PRRX2: variants seen among roughly 807,000 people sequenced by gnomAD.
PRRX2 encodes paired related homeobox 2.
A neutral mutation model predicts 18.0 loss-of-function variants in PRRX2; 11 were observed. That is an observed-to-expected ratio of 0.61 (90% CI 0.39 to 1.01). PRRX2 has a LOEUF of 1.01. Ranked by LOEUF, PRRX2 falls within the 50% of genes least tolerant of loss-of-function variation. The pLI is 0.01. For synonymous variants in PRRX2, 177 were observed against 154.8 expected, an observed-to-expected ratio of 1.14 and a Z score of -1.06; for missense variants, 387 against 351.0, an observed-to-expected ratio of 1.10 and a Z score of -0.82.
intron 1 of PRRX2, among the ~76,000 whole-genome samples, chr9:129,694,391 G>T (rs1353312509): frequency 6.6e-6 from 1 of 152,204 alleles, no homozygotes; most frequent in Non-Finnish European, 1.5e-5. Flanking sequence ...TGCCATGTTG[G>T]CTGGGCCAGT....
In PRRX2 at chr9:129,715,760, A is replaced by T. The variant is rs993510053; in HGVS notation, c.260-3471A>T. Among the ~76,000 whole-genome samples the T allele has an allele frequency of 5.8e-4, 80 of 138,970 alleles. No homozygotes were observed. Among genetic ancestry groups the T allele is most frequent in the African/African-American group, 1.7e-3 (56 of 33,472 alleles). The allele number at this position is 138,970 out of a possible 152,430, so 91.2% of individuals were successfully genotyped here. A position where few individuals can be genotyped will look rare whatever the true frequency, so the allele number is the denominator to read the frequency against. On this transcript the variant is annotated intron_variant, in intron 1 of 3. Coordinates refer to ENST00000372469, the MANE Select transcript of PRRX2 (RefSeq NM_016307.4). This position sits in a 1 kb window ranked among gnomAD's most constrained non-coding sequence, Gnocchi z 4.0. Reference sequence around the variant, plus strand: ...TCAGGGACATCTTTCTCACACACACACACACACACACACACACACACACAC... The same window carrying T: ...TCAGGGACATCTTTCTCACACACACTCACACACACACACACACACACACAC...
intron 1 of PRRX2, among the ~76,000 whole-genome samples, chr9:129,688,844 C>T (rs1287609169): frequency 1.3e-5 from 2 of 152,220 alleles, no homozygotes; most frequent in Non-Finnish European, 2.9e-5. Flanking sequence ...TTCACCAGTT[C>T]ACACAGCACC....
chr9:129,670,512 T>G (rs565528459), intron 1 of PRRX2, among the ~76,000 whole-genome samples: 3 of 152,180 alleles, frequency 2.0e-5, no homozygotes, highest in African/African-American at 7.2e-5. Flanking sequence ...GTAGCTAGGA[T>G]TACAGGTGCG....
At chr9:129,696,047 A>G (rs1165908768) in intron 1 of PRRX2, among the ~76,000 whole-genome samples, 4 of 152,050 alleles carry the variant, frequency 2.6e-5, no homozygotes, top group Non-Finnish European at 4.4e-5. Flanking sequence ...TGCTTAGCCC[A>G]TAGGAGCTAA....
chr9:129,670,991 C>T (rs1302305627), intron 1 of PRRX2, among the ~76,000 whole-genome samples: 2 of 152,166 alleles, frequency 1.3e-5, no homozygotes, highest in Non-Finnish European at 2.9e-5. Context: ...CCGTGTGTGA[C>T]CTTGGGGGTG....
chr9:129,692,607 A>T (rs1411255036), intron 1 of PRRX2, among the ~76,000 whole-genome samples: 1 of 152,068 alleles, frequency 6.6e-6, no homozygotes, highest in African/African-American at 2.4e-5. Context: ...TACTATCTCC[A>T]AAGATTTGCC....
chr9:129,717,380 C>T (rs1365127288), intron 1 of PRRX2, among the ~76,000 whole-genome samples: 2 of 150,892 alleles, frequency 1.3e-5, no homozygotes, highest in African/African-American at 4.8e-5. Context: ...ATTTTTTAAA[C>T]TTGTATTTGT....
In PRRX2 at chr9:129,675,041, C is replaced by G. The variant is rs927464666; in HGVS notation, c.259+8915C>G. Among the ~76,000 whole-genome samples the G allele has an allele frequency of 6.6e-6, 1 of 152,166 alleles. No individual in the cohort carries two copies. The highest frequency in any genetic ancestry group is 6.5e-5 in the Admixed American group (1 of 15,284). On this transcript the variant is annotated intron_variant, in intron 1 of 3. Transcript: ENST00000372469. This position sits in a 1 kb window ranked among gnomAD's most constrained non-coding sequence, Gnocchi z 4.4. Reference sequence around the variant, plus strand: ...CCAGAGCTGACTCTGCCTCCATTACCCTCCTCAGTTTACCCGAGTGGAAAG... The same window carrying G: ...CCAGAGCTGACTCTGCCTCCATTACGCTCCTCAGTTTACCCGAGTGGAAAG...
At chr9:129,691,170 CA>C (rs59003962) in intron 1 of PRRX2, among the ~76,000 whole-genome samples, 10,953 of 101,208 alleles carry the variant, frequency 0.11, 424 homozygotes, top group Non-Finnish European at 0.13. Context: ...GCTAAATATA[CA>C]AAAAAAAAAA....
chr9:129,701,541 C>G (rs1385310956), intron 1 of PRRX2, among the ~76,000 whole-genome samples: 1 of 152,200 alleles, frequency 6.6e-6, no homozygotes, highest in Non-Finnish European at 1.5e-5. Context: ...GCAGGGGACA[C>G]CAGTCACACT....
At chr9:129,717,893 C>T (rs1307652986) in intron 1 of PRRX2, among the ~76,000 whole-genome samples, 1 of 152,008 alleles carries the variant, frequency 6.6e-6, no homozygotes, top group East Asian at 1.9e-4. Flanking sequence ...AGTGCTGAAC[C>T]GGCAGCATTA....
intron 1 of PRRX2, among the ~76,000 whole-genome samples, chr9:129,668,617 A>C (rs2119046415): frequency 6.6e-6 from 1 of 151,768 alleles, no homozygotes. Flanking sequence ...ATCTCTACTA[A>C]AAATACAAAA....
chr9:129,690,576 G>A (rs1832349528), intron 1 of PRRX2, among the ~76,000 whole-genome samples: 1 of 150,650 alleles, frequency 6.6e-6, no homozygotes, highest in African/African-American at 2.4e-5. Context: ...GTGCGATCTC[G>A]GCTCACTGCA....
intron 1 of PRRX2, chr9:129,712,895 C>T (rs1832646572): frequency 6.6e-6 from 1 of 152,280 alleles, no homozygotes; most frequent in Non-Finnish European, 1.5e-5. Context: ...CGCCAGTGGC[C>T]TGAGGCTTAG....
intron 1 of PRRX2, among the ~76,000 whole-genome samples, chr9:129,683,734 CA>C (rs1408830041): frequency 6.7e-6 from 1 of 148,604 alleles, no homozygotes; most frequent in Non-Finnish European, 1.5e-5. Flanking sequence ...GACTCCATCT[CA>C]AAAAAAAATA....
intron 1 of PRRX2, among the ~76,000 whole-genome samples, chr9:129,677,962 T>C (rs13297055): frequency 0.017 from 2,236 of 135,140 alleles, 11 homozygotes; most frequent in Middle Eastern, 0.058. Flanking sequence ...TTCTTTCTTT[T>C]TTTTTTTTTT....
intron 1 of PRRX2, among the ~76,000 whole-genome samples, chr9:129,690,749 G>C (rs1832351204): frequency 6.6e-6 from 1 of 151,662 alleles, no homozygotes; most frequent in Admixed American, 6.6e-5. Flanking sequence ...CTCATGATCT[G>C]CCCGCCTTGG....
chr9:129,702,315 G>C (rs1832508341), intron 1 of PRRX2, among the ~76,000 whole-genome samples: 1 of 146,244 alleles, frequency 6.8e-6, no homozygotes, highest in Middle Eastern at 4.1e-3. Context: ...GGAGAATGGC[G>C]TGAACCCGGG....
chr9:129,713,087 C>G (rs1371146684), intron 1 of PRRX2: 2 of 152,268 alleles, frequency 1.3e-5, no homozygotes, highest in Non-Finnish European at 2.9e-5. Flanking sequence ...AAGTCCAGAG[C>G]TGTGGGTTCG....
Sources: gnomAD v4.1 joint callset for allele counts (sites outside exome capture counted in the v4.1 genomes callset) on GRCh38, gnomAD v4.1.1 for gene constraint, Gnocchi (gnomAD v3.1) non-coding constraint, MANE v1.5 for transcripts, NCBI Gene and HGNC (gene_info 2026-07-23, HGNC 2026-07-21) for gene names.